ITSN1: variants seen among roughly 807,000 people sequenced by gnomAD.
ITSN1 encodes intersectin-1.
In ITSN1, 58 loss-of-function variants were observed where a neutral mutation model predicts 239.8. The ratio of observed to expected loss-of-function variants is 0.24; its 90% CI spans 0.20 to 0.30. The LOEUF is 0.30. Among genes scored for constraint, ITSN1 ranks in the 10% least tolerant of loss-of-function variants. The probability of loss-of-function intolerance (pLI) is 1.00; values close to 1 mark genes in which losing one functional copy is unlikely to be tolerated. For missense variants in ITSN1, 1,558 were observed against 2,103.3 expected, an observed-to-expected ratio of 0.74 and a Z score of 5.07; for synonymous variants, 780 against 770.8, an observed-to-expected ratio of 1.01 and a Z score of -0.20.
At chr21:33,651,428 T>C (rs772554046) in intron 1 of ITSN1, among the ~76,000 whole-genome samples, 14 of 152,256 alleles carry the variant, frequency 9.2e-5, no homozygotes, top group Non-Finnish European at 1.5e-4. Flanking sequence ...CCTTCTGCTT[T>C]ATCTTTGTGA....
At chr21:33,710,633 TTGTAA>T in intron 1 of ITSN1, among the ~76,000 whole-genome samples, 1 of 152,112 alleles carries the variant, frequency 6.6e-6, no homozygotes, top group East Asian at 1.9e-4. Flanking sequence ...CTATTATTTT[TTGTAA>T]CGTCTGTGAG....
At chr21:33,764,933 CACTT>C (rs2068615359) in intron 9 of ITSN1, among the ~76,000 whole-genome samples, 1 of 152,196 alleles carries the variant, frequency 6.6e-6, no homozygotes, top group South Asian at 2.1e-4. Flanking sequence ...GAAGAGGAAA[CACTT>C]AGACTCTGTG....
At chr21:33,858,253 C>T (rs1979748008) in intron 30 of ITSN1, among the ~76,000 whole-genome samples, 1 of 152,214 alleles carries the variant, frequency 6.6e-6, no homozygotes, top group Non-Finnish European at 1.5e-5. Context: ...GCCTGGGCTG[C>T]TCCTCTCAGA....
Position 33,890,220 on chromosome 21 carries a change from G to C in ITSN1, c.*1920G>C, listed in dbSNP as rs1986266099. On this transcript the variant is annotated 3_prime_UTR_variant, in exon 40 of 40. Coordinates refer to ENST00000381318, the MANE Select transcript of ITSN1 (RefSeq NM_003024.3). ...CTATAACCAACACCGTTTGTTTAGT[G>C]TATTTATGAAAGATATGCTACCATG... 1 of 152,198 alleles carries C rather than the reference G, an allele frequency of 6.6e-6. No homozygotes were observed. The highest frequency in any genetic ancestry group is 6.5e-5 in the Admixed American group (1 of 15,276). The allele number at this position is 152,198 out of a possible 1,614,324, so 9.4% of individuals were successfully genotyped here. A position where few individuals can be genotyped will look rare whatever the true frequency, so the allele number is the denominator to read the frequency against.
At chr21:33,837,768 G>T (rs1047002951) in intron 29 of ITSN1, 1 of 985,770 alleles carries the variant, frequency 1.0e-6, no homozygotes, top group South Asian at 4.7e-5. Flanking sequence ...AGCCACATGA[G>T]AAAGCACTCT....
At chr21:33,749,715 G>A (rs1319643008) in intron 5 of ITSN1, among the ~76,000 whole-genome samples, 1 of 151,984 alleles carries the variant, frequency 6.6e-6, no homozygotes, top group Non-Finnish European at 1.5e-5. Context: ...TGGTTTCCCT[G>A]AGGTATAATA....
Position 33,798,408 on chromosome 21 carries a change from C to CT in ITSN1, c.2182+810dup, listed in dbSNP as rs913684451. On this transcript the variant is annotated intron_variant, in intron 18 of 39. Coordinates refer to ENST00000381318, the MANE Select transcript of ITSN1 (RefSeq NM_003024.3). ...AGCCACCATGCCTAGCCTAATTTGCCTTTTTTTTTTAAAAAAGGGATAAAT... is the reference window on the plus strand; with the variant it reads ...AGCCACCATGCCTAGCCTAATTTGCCTTTTTTTTTTTAAAAAAGGGATAAAT... Among the ~76,000 whole-genome samples, 121 of 148,580 alleles carry CT rather than the reference C, an allele frequency of 8.1e-4. 1 individual carries two copies. The highest frequency in any genetic ancestry group is 2.4e-3 in the East Asian group (12 of 5,100).
chr21:33,829,476 A>G, intron 26 of ITSN1, 148 bp from the exon 27 acceptor site: 1 of 798,436 alleles, frequency 1.3e-6, no homozygotes, highest in Non-Finnish European at 2.0e-6. Flanking sequence ...CGGGCGATTC[A>G]GGGAGCCTTA....
chr21:33,823,372 CT>C, intron 24 of ITSN1, 114 bp from the exon 25 acceptor site: 1 of 919,924 alleles, frequency 1.1e-6, no homozygotes, highest in Non-Finnish European at 1.7e-6. Context: ...ACTAGCCTTT[CT>C]CTTGAATGGA....
chr21:33,776,559 AAAGAG>A (rs200943017), intron 14 of ITSN1, among the ~76,000 whole-genome samples: 2,871 of 151,208 alleles, frequency 0.019, 54 homozygotes, highest in African/African-American at 0.052. Flanking sequence ...AAAAAAAAAA[AAAGAG>A]AGAGAAAAGA....
chr21:33,832,874 T>C (rs956014806), intron 27 of ITSN1, among the ~76,000 whole-genome samples: 6 of 152,206 alleles, frequency 3.9e-5, no homozygotes, highest in Admixed American at 3.9e-4. Flanking sequence ...CTTTTAGTTT[T>C]ATTTCCTTAT....
At position 33,824,864 on chromosome 21, in the gene ITSN1, C is replaced by T. The variant is rs533099866; in HGVS notation, c.3183+1211C>T. Among the ~76,000 whole-genome samples, 37 of 152,310 alleles carry T rather than the reference C, an allele frequency of 2.4e-4. 1 individual carries two copies. In the South Asian group the frequency reaches 3.3e-3, roughly 14 times the overall value. On this transcript the variant is annotated intron_variant, in intron 25 of 39. Transcript: ENST00000381318. ...ATGGATTTACATAAGTCTGCCCACC[C>T]TTGGAGAATCTGGCAGAAGCCCGGA...
At chr21:33,764,905 T>C (rs1377459251) in intron 9 of ITSN1, among the ~76,000 whole-genome samples, 1 of 152,208 alleles carries the variant, frequency 6.6e-6, no homozygotes, top group Admixed American at 6.5e-5. Flanking sequence ...ATGATGGAGA[T>C]TGAATCCTGA....
intron 33 of ITSN1, among the ~76,000 whole-genome samples, chr21:33,870,624 TA>T (rs1381340453): frequency 1.3e-5 from 2 of 152,148 alleles, no homozygotes; most frequent in Admixed American, 6.5e-5. Flanking sequence ...CATAGCAACC[TA>T]AAAAATACCC....
At chr21:33,732,006 C>T (rs572022380) in intron 4 of ITSN1, among the ~76,000 whole-genome samples, 78 of 152,206 alleles carry the variant, frequency 5.1e-4, no homozygotes, top group Admixed American at 1.0e-3. Context: ...TACACTATTT[C>T]GGTCTGGAAC....
intron 4 of ITSN1, among the ~76,000 whole-genome samples, chr21:33,723,894 C>G (rs1027554414): frequency 6.6e-6 from 1 of 152,192 alleles, no homozygotes; most frequent in Non-Finnish European, 1.5e-5. Context: ...AATTTTCCAG[C>G]TAACTACTTT....
intron 1 of ITSN1, among the ~76,000 whole-genome samples, chr21:33,704,471 G>A (rs1306826139): frequency 1.3e-5 from 2 of 152,056 alleles, no homozygotes; most frequent in African/African-American, 2.4e-5. Flanking sequence ...TTATCATCAT[G>A]GGCTCTGAAT....
intron 29 of ITSN1, among the ~76,000 whole-genome samples, chr21:33,842,138 G>A (rs957305223): frequency 6.6e-6 from 1 of 151,862 alleles, no homozygotes; most frequent in Admixed American, 6.6e-5. Context: ...CTTGTGATCC[G>A]CCTGCCTCGG....
chr21:33,646,967 CAG>C (rs2088010642), intron 1 of ITSN1, among the ~76,000 whole-genome samples: 1 of 150,622 alleles, frequency 6.6e-6, no homozygotes, highest in Non-Finnish European at 1.5e-5. Context: ...GCCTGGGTGA[CAG>C]AGCAAGGCCC....
Sources: gnomAD v4.1 joint callset for allele counts (sites outside exome capture counted in the v4.1 genomes callset) on GRCh38, gnomAD v4.1.1 for gene constraint, MANE v1.5 for transcripts, NCBI Gene and HGNC (gene_info 2026-07-23, HGNC 2026-07-21) for gene names.